The following SORBS2 variants were observed in gnomAD, a reference collection of about 807,000 sequenced individuals.
SORBS2 encodes the protein sorbin and SH3 domain containing 2, also known as sorbin and SH3 domain-containing protein 2.
SORBS2 carries 46 observed loss-of-function variants against 97.7 expected under a neutral mutation model. The ratio of observed to expected loss-of-function variants is 0.47; its 90% CI spans 0.37 to 0.60. The LOEUF is 0.60. Among genes scored for constraint, SORBS2 ranks in the 20% least tolerant of loss-of-function variants. The pLI, the probability that SORBS2 is intolerant of heterozygous loss-of-function variation, is 0.00. For missense variants in SORBS2, 1,316 were observed against 1,282.3 expected (o/e 1.03, Z -0.40); for synonymous variants, 476 against 473.4 (o/e 1.01, Z -0.07).
At chr4:185,824,166 G>A (rs751000750) in intron 1 of SORBS2, among the ~76,000 whole-genome samples, 2 of 152,174 alleles carry the variant, frequency 1.3e-5, no homozygotes, top group Non-Finnish European at 2.9e-5. Flanking sequence ...CAGATGAGGT[G>A]TGGGCAGCCC....
chr4:185,882,792 C>T (rs1015848908), intron 1 of SORBS2, among the ~76,000 whole-genome samples: 2 of 152,124 alleles, frequency 1.3e-5, no homozygotes, highest in African/African-American at 4.8e-5. Flanking sequence ...CACATCTATG[C>T]CAATTGATTA....
intron 1 of SORBS2, among the ~76,000 whole-genome samples, chr4:185,786,941 T>C (rs1016066788): frequency 7.4e-6 from 1 of 135,696 alleles, no homozygotes; most frequent in African/African-American, 2.8e-5. Context: ...CCAATCTGGA[T>C]GTTCATCCAT....
chr4:185,770,768 T>A (rs2098965429), intron 2 of SORBS2, among the ~76,000 whole-genome samples: 1 of 152,100 alleles, frequency 6.6e-6, no homozygotes, highest in Admixed American at 6.6e-5. Context: ...GAAATAAATA[T>A]TATATGGACT....
chr4:185,922,171 G>A (rs992163486), intron 1 of SORBS2, among the ~76,000 whole-genome samples: 9 of 152,310 alleles, frequency 5.9e-5, no homozygotes, highest in East Asian at 1.9e-4. Flanking sequence ...TTTAACAGTC[G>A]TGGTTAGCAT....
intron 1 of SORBS2, among the ~76,000 whole-genome samples, chr4:185,831,116 C>T (rs192088681): frequency 8.9e-4 from 135 of 152,252 alleles, no homozygotes; most frequent in Non-Finnish European, 7.4e-5. Context: ...TTTGATCGTA[C>T]ACTTGATCGT....
At chr4:185,652,917 T>C (rs897287727) in intron 1 of SORBS2, among the ~76,000 whole-genome samples, 189 bp from the exon 10 acceptor site, 23 of 152,248 alleles carry the variant, frequency 1.5e-4, no homozygotes, top group Non-Finnish European at 7.3e-5. Flanking sequence ...TTTGTAAACA[T>C]ATGGCCTTGT....
intron 4 of SORBS2, among the ~76,000 whole-genome samples, chr4:185,637,205 AT>A (rs951490968): frequency 3.5e-4 from 54 of 152,278 alleles, no homozygotes; most frequent in African/African-American, 1.3e-3. Context: ...ATAAGACTGT[AT>A]TTTTACCATG....
intron 2 of SORBS2, among the ~76,000 whole-genome samples, chr4:185,752,375 G>A (rs568711099): frequency 2.6e-4 from 39 of 152,092 alleles, no homozygotes; most frequent in Middle Eastern, 3.4e-3. Flanking sequence ...TCCCGGGTTC[G>A]CGCCATTCTC....
intron 4 of SORBS2, among the ~76,000 whole-genome samples, chr4:185,638,370 T>G (rs1254613096): frequency 6.6e-6 from 1 of 152,192 alleles, no homozygotes. Context: ...AGGGGGTCCC[T>G]AGCTGTTTCC....
chr4:185,907,895 C>T (rs1420427571), intron 1 of SORBS2, among the ~76,000 whole-genome samples: 4 of 152,088 alleles, frequency 2.6e-5, no homozygotes, highest in African/African-American at 9.7e-5. Context: ...TAAACATAAC[C>T]ATATACACAA....
chr4:185,624,326 T>C (rs1561489125), exon 7 of SORBS2: 3 of 1,614,146 alleles, frequency 1.9e-6, no homozygotes, highest in Non-Finnish European at 2.5e-6. Context: ...GATTTCTGCG[T>C]TTTGCCGGGC....
intron 1 of SORBS2, among the ~76,000 whole-genome samples, chr4:185,653,364 G>C (rs2097344424): frequency 6.6e-6 from 1 of 152,202 alleles, no homozygotes; most frequent in Admixed American, 6.5e-5. Context: ...GGTTCCTTGA[G>C]AGTAGAAGTC....
intron 2 of SORBS2, among the ~76,000 whole-genome samples, chr4:185,694,870 C>T (rs1241283284): frequency 2.0e-5 from 3 of 151,842 alleles, no homozygotes; most frequent in Admixed American, 1.3e-4. Context: ...TCACGCCTGG[C>T]TAATTTTTGT....
rs201590422 is a variant in SORBS2 at position 185,629,560 on chromosome 4, A to ATTTT, written c.446+988_446+989insAAAA. ...TGTCTGAATATGTCTGAATTTTGTG[A>ATTTT]TTTGTTTTTTTTTTTTTTTTTAGAC... On this transcript the variant is annotated intron_variant, in intron 5 of 14. Coordinates refer to ENST00000418609, the Ensembl canonical transcript of SORBS2. 4.5e-5 allele frequency among the ~76,000 whole-genome samples: 6 copies of ATTTT among 134,080 alleles called. 1 individual carries two copies. Among genetic ancestry groups the ATTTT allele is most frequent in the Admixed American group, 1.5e-4 (2 of 13,544 alleles). The allele number at this position is 134,080 out of a possible 152,430, so 88.0% of individuals were successfully genotyped here.
At chr4:185,652,385 C>T (rs1379019942) in intron 2 of SORBS2, among the ~76,000 whole-genome samples, 1 of 152,098 alleles carries the variant, frequency 6.6e-6, no homozygotes, top group East Asian at 1.9e-4. Context: ...GGCAACACAC[C>T]AATTTAGACT....
chr4:185,636,210 G>A (rs1266091439), intron 4 of SORBS2, among the ~76,000 whole-genome samples: 1 of 151,994 alleles, frequency 6.6e-6, no homozygotes, highest in African/African-American at 2.4e-5. Context: ...AATAAAGCTA[G>A]AGAATGTTTT....
chr4:185,589,832 A>C (rs1266662453), intron 13 of SORBS2, 47 bp from the exon 26 acceptor site: 1 of 985,422 alleles, frequency 1.0e-6, no homozygotes, highest in African/African-American at 1.6e-5. Flanking sequence ...TGACACCTTC[A>C]TGAAATATAG....
chr4:185,649,213 G>A (rs1201178211), intron 3 of SORBS2, among the ~76,000 whole-genome samples: 1 of 152,158 alleles, frequency 6.6e-6, no homozygotes, highest in African/African-American at 2.4e-5. Context: ...TTATATGTAT[G>A]TATTGATCAA....
In SORBS2 at chr4:185,825,259, G is replaced by A. The variant is rs180895793; in HGVS notation, c.-337-49893C>T. Among the ~76,000 whole-genome samples, 531 of 126,958 alleles carry A rather than the reference G, an allele frequency of 4.2e-3. 3 individuals are homozygous for A. The highest frequency in any genetic ancestry group is 4.6e-3 in the Non-Finnish European group (265 of 58,222). 83.3% of individuals were successfully genotyped at this position (126,958 alleles called of 152,430 possible). A position where few individuals can be genotyped will look rare whatever the true frequency, so the allele number is the denominator to read the frequency against. ...GTATCATTTATAATTTCAAAACAGT[G>A]CAATAACAGTCAATGTAATTTATTA... On this transcript the variant is annotated intron_variant, in intron 1 of 20. Transcript: ENST00000284776.
Sources: gnomAD v4.1 joint callset for allele counts (sites outside exome capture counted in the v4.1 genomes callset) on GRCh38, gnomAD v4.1.1 for gene constraint, MANE v1.5 for transcripts, NCBI Gene and HGNC (gene_info 2026-07-23, HGNC 2026-07-21) for gene names.